Variants in PBX3 observed in about 807,000 individuals in gnomAD.
PBX3 encodes the protein pre-B-cell leukemia transcription factor 3.
PBX3 carries 14 observed loss-of-function variants against 48.5 expected under a neutral mutation model. That is an observed-to-expected ratio of 0.29 (90% CI 0.19 to 0.45). The LOEUF (loss-of-function observed/expected upper bound fraction) is 0.45, where lower values mean the gene tolerates loss of function less well. Among genes scored for constraint, PBX3 ranks in the 20% least tolerant of loss-of-function variants. The pLI is 1.00. For missense variants in PBX3, 386 were observed against 546.7 expected, an observed-to-expected ratio of 0.71 and a Z score of 2.93; for synonymous variants, 210 against 200.3, an observed-to-expected ratio of 1.05 and a Z score of -0.41.
intron 2 of PBX3, among the ~76,000 whole-genome samples, chr9:125,781,121 G>A (rs1011630275): frequency 6.6e-6 from 1 of 150,468 alleles, no homozygotes; most frequent in African/African-American, 2.4e-5. Context: ...ACGGGGTGGT[G>A]GCTGGGCAGA....
intron 2 of PBX3, among the ~76,000 whole-genome samples, chr9:125,777,159 G>T (rs1048878537): frequency 3.3e-5 from 5 of 149,966 alleles, no homozygotes; most frequent in Admixed American, 6.6e-5. Flanking sequence ...CTACAGATAT[G>T]TGCCACCATG....
chr9:125,753,937 A>G (rs1836445003), intron 2 of PBX3, among the ~76,000 whole-genome samples: 1 of 152,080 alleles, frequency 6.6e-6, no homozygotes, highest in Admixed American at 6.6e-5. Flanking sequence ...TAGTTGGATT[A>G]TTTATATTTT....
chr9:125,781,626 G>C (rs933275541), intron 2 of PBX3, among the ~76,000 whole-genome samples: 2 of 151,854 alleles, frequency 1.3e-5, no homozygotes, highest in Admixed American at 6.6e-5. Flanking sequence ...GGCAGAACCT[G>C]ATCTTTTCAA....
intron 2 of PBX3, among the ~76,000 whole-genome samples, chr9:125,825,520 G>T (rs1249191870): frequency 6.7e-6 from 1 of 149,596 alleles, no homozygotes; most frequent in Non-Finnish European, 1.5e-5. Context: ...TTAATGTCTG[G>T]CTTCAACAGC....
intron 2 of PBX3, among the ~76,000 whole-genome samples, chr9:125,805,127 C>T (rs1011384934): frequency 2.0e-5 from 3 of 150,836 alleles, no homozygotes; most frequent in Admixed American, 1.3e-4. Flanking sequence ...TTTTTTGAGG[C>T]GGTATCATTT....
chr9:125,949,252 C>T, intron 5 of PBX3: 1 of 1,194,024 alleles, frequency 8.4e-7, no homozygotes, highest in South Asian at 1.6e-5. Flanking sequence ...ATAATTTGCT[C>T]AGGGGATTCA....
At chr9:125,903,532 T>C (rs1357952147) in intron 2 of PBX3, among the ~76,000 whole-genome samples, 1 of 151,800 alleles carries the variant, frequency 6.6e-6, no homozygotes, top group African/African-American at 2.4e-5. Flanking sequence ...TTTTGAAAAA[T>C]ACACCTGATG....
chr9:125,810,055 C>T (rs1838241938), intron 2 of PBX3, among the ~76,000 whole-genome samples: 1 of 152,104 alleles, frequency 6.6e-6, no homozygotes. Context: ...TTAAGAAACA[C>T]TAGATGAATG....
At chr9:125,818,675 A>G (rs1403012091) in intron 2 of PBX3, among the ~76,000 whole-genome samples, 1 of 151,368 alleles carries the variant, frequency 6.6e-6, no homozygotes, top group Non-Finnish European at 1.5e-5. Flanking sequence ...TTAAAGATAT[A>G]TAGAAACAGG....
intron 2 of PBX3, among the ~76,000 whole-genome samples, chr9:125,907,122 TAA>T (rs1189415851): frequency 2.0e-5 from 3 of 151,932 alleles, no homozygotes; most frequent in Non-Finnish European, 4.4e-5. Context: ...CTGGAAGTGA[TAA>T]GAGAGTAAAA....
chr9:125,959,642 T>C (rs550000831), intron 5 of PBX3, among the ~76,000 whole-genome samples: 1 of 152,344 alleles, frequency 6.6e-6, no homozygotes, highest in African/African-American at 2.4e-5. Context: ...CTTACGTCTC[T>C]TCAGGGCCCC....
chr9:125,809,948 T>C (rs1045671310), intron 2 of PBX3, among the ~76,000 whole-genome samples: 6 of 152,342 alleles, frequency 3.9e-5, no homozygotes, highest in African/African-American at 1.2e-4. Context: ...GTAAGTTCTG[T>C]TGTAATGCTT....
intron 2 of PBX3, among the ~76,000 whole-genome samples, chr9:125,793,369 ATAT>A (rs1564658052): frequency 5.0e-5 from 5 of 100,390 alleles, no homozygotes; most frequent in African/African-American, 2.2e-4. Context: ...AAAAAAAAAT[ATAT>A]ATATATATAT....
intron 2 of PBX3, among the ~76,000 whole-genome samples, chr9:125,815,541 A>G (rs552114581): frequency 3.9e-5 from 6 of 152,342 alleles, no homozygotes; most frequent in African/African-American, 1.4e-4. Flanking sequence ...TGATTCCATC[A>G]ATATCAGACT....
Position 125,915,704 on chromosome 9 carries a change from C to A in PBX3, c.293C>A (p.Ala98Asp). ...CTTGAAGGTCTCAGCATCAGAGGAG[C>A]CCAGGAGGAGGACCCTCCCGATCCC... ...KEKTGLSIRG[A>D]QEEDPPDPQL... Residue 98 changes from alanine to aspartate, a missense_variant, in exon 3 of 9, where the codon GCC becomes GAC. Physicochemically the swap from Ala to Asp is moderately radical, Grantham distance 126. This residue lies in a region of PBX3 where 69 missense variants were observed against 99.1 expected (regional missense o/e 0.70). Coordinates refer to ENST00000373489, the MANE Select transcript of PBX3 (RefSeq NM_006195.6). 1 of 1,611,904 alleles carries A rather than the reference C, an allele frequency of 6.2e-7. No homozygotes were observed.
intron 2 of PBX3, among the ~76,000 whole-genome samples, chr9:125,901,356 A>G (rs1840941114): frequency 6.6e-6 from 1 of 151,756 alleles, no homozygotes; most frequent in African/African-American, 2.4e-5. Flanking sequence ...GAATGAGTAT[A>G]GGTATTTTTA....
At chr9:125,939,181 C>T (rs1053762274) in intron 5 of PBX3, among the ~76,000 whole-genome samples, 4 of 151,998 alleles carry the variant, frequency 2.6e-5, no homozygotes, top group Non-Finnish European at 4.4e-5. Context: ...AAACAGTCCA[C>T]GCACTGCAAG....
intron 2 of PBX3, among the ~76,000 whole-genome samples, chr9:125,906,192 C>T (rs1328530859): frequency 1.3e-5 from 2 of 151,964 alleles, no homozygotes; most frequent in Non-Finnish European, 2.9e-5. Flanking sequence ...TATAATCATG[C>T]CATGCTTCAC....
At chr9:125,906,150 CAT>C (rs963711345) in intron 2 of PBX3, among the ~76,000 whole-genome samples, 23 of 151,976 alleles carry the variant, frequency 1.5e-4, no homozygotes, top group African/African-American at 5.3e-4. Flanking sequence ...ACTTTAAAAT[CAT>C]GTGGAAAGTC....
Sources: gnomAD v4.1 joint callset for allele counts (sites outside exome capture counted in the v4.1 genomes callset) on GRCh38, gnomAD v4.1.1 for gene constraint, gnomAD v4.1.1 regional missense constraint, MANE v1.5 for transcripts, NCBI Gene and HGNC (gene_info 2026-07-23, HGNC 2026-07-21) for gene names.